GABRD: variants seen among roughly 807,000 people sequenced by gnomAD.
GABRD encodes gamma-aminobutyric acid type A receptor subunit delta, also known as gamma-aminobutyric acid receptor subunit delta.
In GABRD, 25 loss-of-function variants were observed where a neutral mutation model predicts 47.3. The observed-to-expected ratio is 0.53, with a 90% CI of 0.39 to 0.74. GABRD has a LOEUF of 0.74. Among genes scored for constraint, GABRD ranks in the 30% least tolerant of loss-of-function variants. GABRD has a pLI of 0.00. For missense variants in GABRD, 497 were observed against 643.4 expected (o/e 0.77, Z 2.46); for synonymous variants, 314 against 278.8 (o/e 1.13, Z -1.26).
Position 2,028,025 on chromosome 1 carries a change from TGG to T in GABRD, c.554-127_554-126del. The T allele has an allele frequency of 1.9e-6, 2 of 1,050,120 alleles. No individual in the cohort carries two copies. Among genetic ancestry groups the T allele is most frequent in the Non-Finnish European group, 2.7e-6 (2 of 733,232 alleles). 65.1% of individuals were successfully genotyped at this position (1,050,120 alleles called of 1,614,324 possible). A position where few individuals can be genotyped will look rare whatever the true frequency, so the allele number is the denominator to read the frequency against. ...AGCCGAAGGTCTCCTCGCTCCTGGC[TGG>T]GGTCCTGCTCGGTCCCCATCACGAT... On this transcript the variant is annotated intron_variant, in intron 5 of 8. Coordinates refer to ENST00000378585, the MANE Select transcript of GABRD (RefSeq NM_000815.5). The surrounding 1 kb of genome is among the most constrained non-coding windows in gnomAD (Gnocchi z 6.4).
chr1:2,024,770 C>T, intron 1 of GABRD, 172 bp from the exon 2 acceptor site: 1 of 567,252 alleles, frequency 1.8e-6, no homozygotes, highest in South Asian at 2.3e-5. Flanking sequence ...TTCCCTGTGT[C>T]CAGCCAGAGG....
At chr1:2,023,194 A>C (rs1036652368) in intron 1 of GABRD, among the ~76,000 whole-genome samples, 2 of 152,070 alleles carry the variant, frequency 1.3e-5, no homozygotes, top group African/African-American at 4.8e-5. Flanking sequence ...GGCTGGACTT[A>C]GCCTGAGGCA....
chr1:2,027,496 G>A, intron 4 of GABRD, 81 bp from the exon 5 acceptor site: 1 of 1,096,786 alleles, frequency 9.1e-7, no homozygotes, highest in Non-Finnish European at 1.4e-6. Flanking sequence ...TGCTCAGGGG[G>A]CATCTCTGCA....
chr1:2,025,237 T>C, intron 2 of GABRD, 97 bp from the exon 3 acceptor site: 1 of 1,463,852 alleles, frequency 6.8e-7, no homozygotes, highest in South Asian at 1.1e-5. Context: ...CAGGCCATGA[T>C]GGCCGACTGC....
At chr1:2,021,087 GCCTCTGGGCCTGCAGTCACTCCCATC>G (rs1455998646) in intron 1 of GABRD, among the ~76,000 whole-genome samples, 2 of 152,214 alleles carry the variant, frequency 1.3e-5, no homozygotes, top group Non-Finnish European at 2.9e-5. Flanking sequence ...GGAGTGGGGG[GCCTCTGGGCCTGCAGTCACTCCCATC>G]CCTGGAAGAG....
chr1:2,025,478 G>A (rs554139861), intron 3 of GABRD, 40 bp from the exon 4 acceptor site: 2 of 1,610,338 alleles, frequency 1.2e-6, no homozygotes, highest in African/African-American at 2.7e-5. Flanking sequence ...CCCTGGGGGT[G>A]GAGCAAGGCT....
At chr1:2,024,755 C>G (rs982146064) in intron 1 of GABRD, 187 bp from the exon 2 acceptor site, 1 of 542,750 alleles carries the variant, frequency 1.8e-6, no homozygotes, top group Non-Finnish European at 3.3e-6. Flanking sequence ...GAGGACCTCC[C>G]GGGGTTCCCT....
At chr1:2,021,315 C>T (rs1658764299) in intron 1 of GABRD, among the ~76,000 whole-genome samples, 1 of 152,226 alleles carries the variant, frequency 6.6e-6, no homozygotes, top group Non-Finnish European at 1.5e-5. Context: ...CCTGGAGGGT[C>T]TCCCCAGGGT....
rs370906086 is a variant in GABRD at position 2,029,524 on chromosome 1, G to A, written c.848-27G>A. ...TGGGGCGGCGTGAGGGCAGGGCTACGACAATGGCACCACCTGTGCCCGGCA... is the reference window on the plus strand; with the variant it reads ...TGGGGCGGCGTGAGGGCAGGGCTACAACAATGGCACCACCTGTGCCCGGCA... On this transcript the variant is annotated intron_variant, in intron 7 of 8. Transcript: ENST00000378585. The A allele has an allele frequency of 3.5e-4, 570 of 1,609,522 alleles. 1 individual carries two copies. Among genetic ancestry groups the A allele is most frequent in the South Asian group, 2.8e-3 (255 of 90,982 alleles).
At chr1:2,024,731 C>T (rs993044369) in intron 1 of GABRD, 5 of 480,790 alleles carry the variant, frequency 1.0e-5, no homozygotes, top group East Asian at 1.0e-4. Flanking sequence ...AGGTCAGGGC[C>T]AGTGGAAGAG....
In GABRD at chr1:2,028,981, A is replaced by G; in HGVS notation, c.692-130A>G. Reference sequence around the variant, plus strand: ...ATTTCAGGCCATGTGGTTGGTGGGGAGGGCAGGGGTCTAAGTCTCTCTTCT... The same window carrying G: ...ATTTCAGGCCATGTGGTTGGTGGGGGGGGCAGGGGTCTAAGTCTCTCTTCT... On this transcript the variant is annotated intron_variant, in intron 6 of 8. Transcript: ENST00000378585. The surrounding 1 kb of genome is among the most constrained non-coding windows in gnomAD (Gnocchi z 6.4). 8.7e-7 allele frequency: 1 copy of G among 1,146,240 alleles called. No homozygotes were observed. The highest frequency in any genetic ancestry group is 2.6e-5 in the East Asian group (1 of 38,896). The allele number at this position is 1,146,240 out of a possible 1,614,324, so 71.0% of individuals were successfully genotyped here. A position where few individuals can be genotyped will look rare whatever the true frequency, so the allele number is the denominator to read the frequency against.
At chr1:2,022,373 C>T (rs4648614) in intron 1 of GABRD, 98,624 of 152,218 alleles carry the variant, frequency 0.65, 32,563 homozygotes, top group Middle Eastern at 0.76. Context: ...GGTGGGAAAA[C>T]GACCGGGGGC....
In GABRD at chr1:2,030,484, C is replaced by G. The variant is rs1659060373; in HGVS notation, c.*202C>G. Reference sequence around the variant, plus strand: ...ACCCGAAAGGCCAGCCTGGGGCTCTCCGGCAGGCAGCCCGAGACCTGCACA... The same window carrying G: ...ACCCGAAAGGCCAGCCTGGGGCTCTGCGGCAGGCAGCCCGAGACCTGCACA... On this transcript the variant is annotated 3_prime_UTR_variant, in exon 9 of 9. Coordinates refer to ENST00000378585, the MANE Select transcript of GABRD (RefSeq NM_000815.5). 4.7e-6 allele frequency: 2 copies of G among 430,016 alleles called. No individual in the cohort carries two copies. The highest frequency in any genetic ancestry group is 8.1e-6 in the Non-Finnish European group (2 of 247,488). The allele number at this position is 430,016 out of a possible 1,614,324, so 26.6% of individuals were successfully genotyped here. A position where few individuals can be genotyped will look rare whatever the true frequency, so the allele number is the denominator to read the frequency against.
rs560257626 is a variant in GABRD at position 2,028,333 on chromosome 1, C to T, written c.691+41C>T. ...CGCCCCTTCCGCATGTGCCCGCCGC[C>T]CCTTCCGCGCGCGCCCACCGCCCCT... On this transcript the variant is annotated intron_variant, in intron 6 of 8. Coordinates refer to ENST00000378585, the MANE Select transcript of GABRD (RefSeq NM_000815.5). The surrounding 1 kb of genome is among the most constrained non-coding windows in gnomAD (Gnocchi z 6.4). The T allele has an allele frequency of 5.1e-6, 8 of 1,571,026 alleles. No individual in the cohort carries two copies. Among genetic ancestry groups the T allele is most frequent in the East Asian group, 4.7e-5 (2 of 42,422 alleles).
chr1:2,030,132 G>A lies in GABRD; in HGVS notation c.1209G>A (p.Lys403=), dbSNP rs1050975830. The A allele has an allele frequency of 3.8e-6, 6 of 1,580,276 alleles. No homozygotes were observed. The highest frequency in any genetic ancestry group is 1.4e-5 in the African/African-American group (1 of 73,944). Residue 403 remains lysine (K), a synonymous_variant, in exon 9 of 9, where the codon AAG becomes AAA. Transcript: ENST00000378585. ...GGGTGGAGACAGGGGAGACGAAGAA[G>A]GAGGGGGCAGCCCGCTCAGGAGGCC... ...SVGVETGETK[K]EGAARSGGQG... is the part of the protein sequence containing the mutation.
intron 1 of GABRD, among the ~76,000 whole-genome samples, chr1:2,020,839 C>G (rs531369718): frequency 6.6e-6 from 1 of 152,226 alleles, no homozygotes; most frequent in Non-Finnish European, 1.5e-5. Context: ...AGTCCCGTCC[C>G]GCATGGACGT....
In GABRD at chr1:2,021,668, C is replaced by T. The variant is rs139653921; in HGVS notation, c.68+2177C>T. On this transcript the variant is annotated intron_variant, in intron 1 of 8. Transcript: ENST00000378585. ...ACTGCATGCCCGCGTGGGTGGCCCT[C>T]CCGGGCTGCCGGCACCTCCGTCTCC... Among the ~76,000 whole-genome samples the T allele has an allele frequency of 1.5e-3, 227 of 152,320 alleles. 3 individuals carry two copies. The East Asian group carries it at 0.02, about 13-fold the overall frequency.
chr1:2,020,204 C>A (rs988138065), intron 1 of GABRD, among the ~76,000 whole-genome samples: 1 of 152,228 alleles, frequency 6.6e-6, no homozygotes, highest in Non-Finnish European at 1.5e-5. Context: ...CCTACAGTGC[C>A]CCCCCATCTC....
rs116604393 is a variant in GABRD, at chr1:2,030,125, C to T, written c.1202C>T (p.Thr401Met). 1.3e-3 allele frequency: 2,010 copies of T among 1,580,476 alleles called. 19 individuals carry two copies. In the African/African-American group the frequency reaches 0.021, roughly 16 times the overall value. ...TCGGTGGGGGTGGAGACAGGGGAGACGAAGAAGGAGGGGGCAGCCCGCTCA... is the reference window on the plus strand; with the variant it reads ...TCGGTGGGGGTGGAGACAGGGGAGATGAAGAAGGAGGGGGCAGCCCGCTCA... ...YRSVGVETGE[T>M]KKEGAARSGG... is the part of the protein sequence containing the mutation. The change falls in exon 9 of 9, where the codon ACG (threonine) becomes ATG (methionine). Residue 401 changes from threonine (T) to methionine (M), a missense_variant. Around this residue, in one of 3 missense-constraint regions of GABRD, gnomAD observed 121 missense variants for 121.3 expected, o/e 1.00. Transcript: ENST00000378585.
Sources: gnomAD v4.1 joint callset for allele counts (sites outside exome capture counted in the v4.1 genomes callset) on GRCh38, gnomAD v4.1.1 for gene constraint, gnomAD v4.1.1 regional missense constraint, Gnocchi (gnomAD v3.1) non-coding constraint, MANE v1.5 for transcripts, NCBI Gene and HGNC (gene_info 2026-07-23, HGNC 2026-07-21) for gene names.